Variants in TSPAN16 observed in about 807,000 individuals in gnomAD.
TSPAN16 encodes the protein tetraspanin 16.
A neutral mutation model predicts 25.2 loss-of-function variants in TSPAN16; 23 were observed. That is an observed-to-expected ratio of 0.91 (90% CI 0.66 to 1.29). The LOEUF is 1.29. TSPAN16 is among the 50% of genes most tolerant of loss of function. The pLI, the probability that TSPAN16 is intolerant of heterozygous loss-of-function variation, is 0.00. For synonymous variants in TSPAN16, 123 were observed against 124.4 expected (o/e 0.99, Z 0.08); for missense variants, 272 against 299.9 (o/e 0.91, Z 0.69).
chr19:11,306,651 C>T lies in TSPAN16; in HGVS notation c.498C>T (p.Ser166=). Residue 166 remains serine, a synonymous_variant, in exon 5 of 7, where the codon TCC becomes TCT. Coordinates refer to ENST00000590327, the MANE Select transcript of TSPAN16 (RefSeq NM_001282509.2). ...ACTACACAGATTTTTCTGGCTCTTC[C>T]TTCGAAATGACAACGGGCCACACCT... ...VNNYTDFSGS[S]FEMTTGHTYP... 1.9e-6 allele frequency: 3 copies of T among 1,613,852 alleles called. No individual in the cohort carries two copies. The highest frequency in any genetic ancestry group is 2.5e-6 in the Non-Finnish European group (3 of 1,180,030).
rs116786998 is a variant in TSPAN16, at chr19:11,301,106, G to T, written c.343-95G>T. Reference sequence around the variant, plus strand: ...GAAAAATGAAGGCAGCACGAGGGACGCTCCCACCTCCCACTCTATCCTCAA... The same window carrying T: ...GAAAAATGAAGGCAGCACGAGGGACTCTCCCACCTCCCACTCTATCCTCAA... On this transcript the variant is annotated intron_variant, in intron 3 of 6. Transcript: ENST00000590327. 2,925 of 1,013,904 alleles carry T rather than the reference G, an allele frequency of 2.9e-3. 32 individuals are homozygous for T. In the African/African-American group the frequency reaches 0.037, roughly 13 times the overall value. 62.8% of individuals were successfully genotyped at this position (1,013,904 alleles called of 1,614,324 possible). A position where few individuals can be genotyped will look rare whatever the true frequency, so the allele number is the denominator to read the frequency against.
chr19:11,301,049 T>C (rs900764961), intron 3 of TSPAN16, 152 bp from the exon 4 acceptor site: 1 of 611,888 alleles, frequency 1.6e-6, no homozygotes, highest in African/African-American at 1.9e-5. Flanking sequence ...TCGTGTGTCT[T>C]CCTCTAGCAC....
At chr19:11,318,045 G>A (rs1229371689), downstream of TSPAN16, among the ~76,000 whole-genome samples, 1 of 151,232 alleles carries the variant, frequency 6.6e-6, no homozygotes, top group Non-Finnish European at 1.5e-5. Context: ...TTATTTTTTT[G>A]AGACAGAGTC....
chr19:11,298,625 G>A (rs1436452640), intron 2 of TSPAN16, among the ~76,000 whole-genome samples: 3 of 152,008 alleles, frequency 2.0e-5, no homozygotes, highest in Admixed American at 2.0e-4. Context: ...GTAGAGACGG[G>A]ATTTTGCCAT....
intron 2 of TSPAN16, 53 bp from the exon 3 acceptor site, chr19:11,298,819 T>G: frequency 6.4e-7 from 1 of 1,550,864 alleles, no homozygotes; most frequent in Non-Finnish European, 8.9e-7. Context: ...GGGTATAAGG[T>G]CGGGAGGAGG....
intron 3 of TSPAN16, among the ~76,000 whole-genome samples, chr19:11,300,171 G>A (rs990268856): frequency 6.6e-5 from 10 of 152,078 alleles, no homozygotes; most frequent in Non-Finnish European, 1.5e-4. Context: ...CGTCCTCATT[G>A]GCATCCTCCC....
At position 11,309,217 on chromosome 19, in the gene TSPAN16, C is replaced by CAA. The variant is rs112897054; in HGVS notation, c.603+2474_603+2475dup. Reference sequence around the variant, plus strand: ...GAGCAAGACCCCTCTCTAAAATAGACAAAAAAAAAAAAAAGAAGAAGAAAT... The same window carrying CAA: ...GAGCAAGACCCCTCTCTAAAATAGACAAAAAAAAAAAAAAAAGAAGAAGAAAT... On this transcript the variant is annotated intron_variant, in intron 5 of 6. Coordinates refer to ENST00000590327, the MANE Select transcript of TSPAN16 (RefSeq NM_001282509.2). 9.7e-4 allele frequency among the ~76,000 whole-genome samples: 104 copies of CAA among 106,764 alleles called. No homozygotes were observed. In the East Asian group the frequency reaches 0.021, roughly 22 times the overall value. 70.0% of individuals were successfully genotyped at this position (106,764 alleles called of 152,430 possible). A position where few individuals can be genotyped will look rare whatever the true frequency, so the allele number is the denominator to read the frequency against.
At chr19:11,317,237 C>T (rs913786965), downstream of TSPAN16, among the ~76,000 whole-genome samples, 5 of 152,190 alleles carry the variant, frequency 3.3e-5, no homozygotes, top group East Asian at 1.9e-4. Context: ...ACCATAACAC[C>T]GTTATCACAT....
At chr19:11,315,400 C>CA (rs2080737879) in intron 6 of TSPAN16, among the ~76,000 whole-genome samples, 1 of 146,930 alleles carries the variant, frequency 6.8e-6, no homozygotes, top group South Asian at 2.2e-4. Context: ...TACTAAAATA[C>CA]AAAAAAATTA....
chr19:11,321,798 C>A (rs1370081941), intron 6 of TSPAN16, among the ~76,000 whole-genome samples: 1 of 152,134 alleles, frequency 6.6e-6, no homozygotes, highest in Non-Finnish European at 1.5e-5. Context: ...CGCTGTGACT[C>A]AGGTGTTCAC....
At chr19:11,323,714 C>T (rs1247001268) in intron 6 of TSPAN16, 1 of 152,222 alleles carries the variant, frequency 6.6e-6, no homozygotes, top group Non-Finnish European at 1.5e-5. Flanking sequence ...TCACACATAC[C>T]CCAGGGAAGA....
rs535061932 is a variant in TSPAN16, at chr19:11,306,623, A to G, written c.470A>G (p.Asn157Ser). The change falls in exon 5 of 7, where the codon AAT (asparagine) becomes AGT (serine). Residue 157 changes from asparagine to serine, a missense_variant. Coordinates refer to ENST00000590327, the MANE Select transcript of TSPAN16 (RefSeq NM_001282509.2). ...VMEKLKCCGV[N>S]NYTDFSGSSF... ...CTATAGCTAAAGTGCTGTGGGGTGA[A>G]TAACTACACAGATTTTTCTGGCTCT... 6.2e-7 allele frequency: 1 copy of G among 1,613,624 alleles called. No individual in the cohort carries two copies. The highest frequency in any genetic ancestry group is 1.7e-5 in the Admixed American group (1 of 59,942).
chr19:11,302,652 TACACATACATATATATATATATATATAC>T (rs1400950042), intron 4 of TSPAN16, among the ~76,000 whole-genome samples: 285 of 120,626 alleles, frequency 2.4e-3, no homozygotes, highest in African/African-American at 9.8e-3. Context: ...CATATATATA[TACACATACATATATATATATATATATAC>T]ACACACACAC....
chr19:11,312,061 A>G lies in TSPAN16; in HGVS notation c.604-78A>G, dbSNP rs1291263461. On this transcript the variant is annotated intron_variant, in intron 5 of 6. Coordinates refer to ENST00000590327, the MANE Select transcript of TSPAN16 (RefSeq NM_001282509.2). ...ATCTGAGAGTCGTCTGAGTGGCCTA[A>G]TGAGTTGGGGTTGATGGGGACTTGC... 1.2e-5 allele frequency: 13 copies of G among 1,081,370 alleles called. No homozygotes were observed. The East Asian group carries it at 3.0e-4, about 25-fold the overall frequency. 67.0% of individuals were successfully genotyped at this position (1,081,370 alleles called of 1,614,324 possible). A position where few individuals can be genotyped will look rare whatever the true frequency, so the allele number is the denominator to read the frequency against.
At chr19:11,305,573 A>AAAATAT (rs1226666789) in intron 4 of TSPAN16, among the ~76,000 whole-genome samples, 1 of 149,208 alleles carries the variant, frequency 6.7e-6, no homozygotes, top group Non-Finnish European at 1.5e-5. Flanking sequence ...AATAAAAATA[A>AAAATAT]AATCCTTGTT....
downstream of TSPAN16, among the ~76,000 whole-genome samples, chr19:11,320,351 A>G (rs2080771050): frequency 6.6e-6 from 1 of 151,104 alleles, no homozygotes; most frequent in Non-Finnish European, 1.5e-5. Context: ...CAAACTCCTG[A>G]CCTCAAGTGA....
intron 6 of TSPAN16, chr19:11,324,467 T>C (rs373667726): frequency 3.3e-5 from 5 of 152,390 alleles, no homozygotes; most frequent in African/African-American, 4.8e-5. Context: ...GGATGCATGA[T>C]TGGGCAAGAA....
intron 5 of TSPAN16, among the ~76,000 whole-genome samples, chr19:11,309,847 T>C (rs1487224055): frequency 6.6e-6 from 1 of 152,158 alleles, no homozygotes; most frequent in African/African-American, 2.4e-5. Flanking sequence ...ATGCCTGTAA[T>C]CCCAGTACTT....
At chr19:11,321,814 C>T (rs188301644) in intron 6 of TSPAN16, among the ~76,000 whole-genome samples, 39 of 152,182 alleles carry the variant, frequency 2.6e-4, no homozygotes, top group African/African-American at 8.4e-4. Context: ...TTCACAGGTG[C>T]CCTCTTGCTG....
Sources: gnomAD v4.1 joint callset for allele counts (sites outside exome capture counted in the v4.1 genomes callset) on GRCh38, gnomAD v4.1.1 for gene constraint, MANE v1.5 for transcripts, NCBI Gene and HGNC (gene_info 2026-07-23, HGNC 2026-07-21) for gene names.